The following DNAH7 variants were observed in gnomAD, a reference collection of about 807,000 sequenced individuals.
DNAH7 encodes the protein axonemal beta dynein heavy chain 7.
A neutral mutation model predicts 444.6 loss-of-function variants in DNAH7; 397 were observed. That is an observed-to-expected ratio of 0.89 (90% CI 0.82 to 0.97). The LOEUF is 0.97. Among genes scored for constraint, DNAH7 ranks in the 50% least tolerant of loss-of-function variants. The pLI, the probability that DNAH7 is intolerant of heterozygous loss-of-function variation, is 0.00. For synonymous variants in DNAH7, 1,636 were observed against 1,624.4 expected (o/e 1.01, Z -0.17); for missense variants, 4,902 against 4,800.8 (o/e 1.02, Z -0.62).
chr2:195,767,137 CTAATT>C (rs1379987366), intron 61 of DNAH7, among the ~76,000 whole-genome samples: 5 of 152,014 alleles, frequency 3.3e-5, no homozygotes, highest in African/African-American at 9.7e-5. Flanking sequence ...TCTGTTCACT[CTAATT>C]TAACAGAAAT....
intron 21 of DNAH7, among the ~76,000 whole-genome samples, chr2:195,928,419 C>T (rs1688480021): frequency 6.6e-6 from 1 of 152,078 alleles, no homozygotes; most frequent in Admixed American, 6.6e-5. Flanking sequence ...TTACTCTATA[C>T]TACATAAATT....
intron 58 of DNAH7, 101 bp from the exon 59 acceptor site, chr2:195,778,086 T>A: frequency 8.5e-7 from 1 of 1,170,226 alleles, no homozygotes; most frequent in Non-Finnish European, 1.1e-6. Context: ...TTACAAAAAG[T>A]TCGCATTAAC....
chr2:195,826,636 A>G (rs974840431), intron 48 of DNAH7, among the ~76,000 whole-genome samples: 3 of 152,136 alleles, frequency 2.0e-5, no homozygotes, highest in Non-Finnish European at 4.4e-5. Flanking sequence ...TTGGTTAACT[A>G]TATATTTTTT....
At chr2:195,816,299 G>A (rs1697216364) in intron 51 of DNAH7, among the ~76,000 whole-genome samples, 1 of 152,066 alleles carries the variant, frequency 6.6e-6, no homozygotes, top group South Asian at 2.1e-4. Context: ...GTTCGTACAG[G>A]AGTCATATTT....
intron 27 of DNAH7, 50 bp from the exon 28 acceptor site, chr2:195,900,544 T>G (rs534331272): frequency 6.4e-7 from 1 of 1,551,536 alleles, no homozygotes; most frequent in African/African-American, 1.4e-5. Context: ...TAAAATAAGC[T>G]AGGCATGGAA....
At chr2:195,915,280 G>A (rs1354984789) in intron 24 of DNAH7, among the ~76,000 whole-genome samples, 1 of 152,226 alleles carries the variant, frequency 6.6e-6, no homozygotes, top group Non-Finnish European at 1.5e-5. Context: ...AAAAGGTGAT[G>A]TTCCAAAGGA....
Position 195,858,504 on chromosome 2 carries a change from T to C in DNAH7, c.8037A>G (p.Ala2679=). ...LAGALPILES[A]LAALDTLTAQ... is the part of the protein sequence containing the mutation. ...CAGTAAGAGTATCAAGGGCGGCCAG[T>C]GCTGACTCTAATATTGGCAAGGCAC... is the stretch of plus-strand genomic sequence containing the variant. The change falls in exon 43 of 65, where the codon GCA becomes GCG. Residue 2679 remains alanine, a synonymous_variant. Transcript: ENST00000312428. The C allele has an allele frequency of 2.5e-6, 4 of 1,612,092 alleles. No homozygotes were observed. In the African/African-American group the frequency reaches 5.3e-5, roughly 22 times the overall value.
At chr2:195,987,877 G>T (rs1263396281) in intron 13 of DNAH7, 80 bp downstream of exon 13, 7 of 1,319,242 alleles carry the variant, frequency 5.3e-6, no homozygotes, top group Middle Eastern at 2.7e-4. Flanking sequence ...AATTATCTGT[G>T]TTCTAAAAAT....
rs750865255 is a variant in DNAH7, at chr2:195,864,980, G to C, written c.6675C>G (p.Asp2225Glu). 5 of 1,604,690 alleles carry C rather than the reference G, an allele frequency of 3.1e-6. No individual in the cohort carries two copies. The highest frequency in any genetic ancestry group is 1.3e-5 in the African/African-American group (1 of 74,898). ...GAATGTAGTTGATGAGCCAGCTTCTGTCTGTATTGTCCAGAAGGCGGTCAT... is the reference window on the plus strand; with the variant it reads ...GAATGTAGTTGATGAGCCAGCTTCTCTCTGTATTGTCCAGAAGGCGGTCAT... ...VYYDRLLDNT[D>E]RSWLINYIQE... is the part of the protein sequence containing the mutation. Residue 2225 changes from aspartate (D) to glutamate (E), a missense_variant, in exon 41 of 65, where the codon GAC becomes GAG. By Grantham distance (45) the Asp-to-Glu change is conservative. Coordinates refer to ENST00000312428, the MANE Select transcript of DNAH7 (RefSeq NM_018897.3).
intron 54 of DNAH7, among the ~76,000 whole-genome samples, chr2:195,804,054 G>T (rs557653359): frequency 2.0e-5 from 2 of 99,108 alleles, no homozygotes; most frequent in African/African-American, 3.4e-5. Flanking sequence ...GAGGGGAGAG[G>T]GGGGGAAGGA....
intron 5 of DNAH7, among the ~76,000 whole-genome samples, chr2:196,035,830 T>C (rs1421039926): frequency 6.6e-6 from 1 of 152,152 alleles, no homozygotes; most frequent in Non-Finnish European, 1.5e-5. Flanking sequence ...GAAAAGCCTG[T>C]TGGCTCTCAG....
At chr2:195,790,372 T>C (rs1001052539) in intron 57 of DNAH7, among the ~76,000 whole-genome samples, 3 of 150,244 alleles carry the variant, frequency 2.0e-5, no homozygotes, top group African/African-American at 7.4e-5. Flanking sequence ...GCCAAAGCAA[T>C]CCTAAGCAAA....
At chr2:195,883,553 C>G (rs1400732104) in intron 35 of DNAH7, among the ~76,000 whole-genome samples, 1 of 151,952 alleles carries the variant, frequency 6.6e-6, no homozygotes, top group Non-Finnish European at 1.5e-5. Flanking sequence ...GCCCCATTTC[C>G]TCAATGGCAA....
intron 17 of DNAH7, among the ~76,000 whole-genome samples, chr2:195,968,014 T>G (rs1022521347): frequency 6.6e-6 from 1 of 152,242 alleles, no homozygotes; most frequent in Non-Finnish European, 1.5e-5. Flanking sequence ...TGGGCAGTTC[T>G]GCCAGGCCAC....
intron 58 of DNAH7, among the ~76,000 whole-genome samples, chr2:195,785,419 T>C (rs1340993367): frequency 6.6e-6 from 1 of 152,180 alleles, no homozygotes; most frequent in South Asian, 2.1e-4. Flanking sequence ...CTAGGACTTC[T>C]AGTACAATGT....
rs567626049 is a variant in DNAH7 at position 195,750,240 on chromosome 2, C to T, written c.11764+4097G>A. Among the ~76,000 whole-genome samples, 9 of 152,070 alleles carry T rather than the reference C, an allele frequency of 5.9e-5. No individual in the cohort carries two copies. The East Asian group carries it at 9.7e-4, about 16-fold the overall frequency. The stretch of plus-strand genomic sequence containing the variant: ...TCTGTGGATTAAATTAGTAAATCAA[C>T]GTAAAAATAAATATCAACTACCCTG... On this transcript the variant is annotated intron_variant, in intron 63 of 64. Coordinates refer to ENST00000312428, the MANE Select transcript of DNAH7 (RefSeq NM_018897.3).
At chr2:195,811,150 G>A (rs1696950770) in intron 51 of DNAH7, among the ~76,000 whole-genome samples, 2 of 152,190 alleles carry the variant, frequency 1.3e-5, no homozygotes, top group South Asian at 4.1e-4. Context: ...GTGATACAGT[G>A]ATATAGGATC....
intron 47 of DNAH7, among the ~76,000 whole-genome samples, chr2:195,839,218 AT>A (rs1698544599): frequency 6.6e-6 from 1 of 151,864 alleles, no homozygotes; most frequent in Admixed American, 6.6e-5. Flanking sequence ...TAACAAAAAA[AT>A]ACCCTAAAAG....
intron 15 of DNAH7, among the ~76,000 whole-genome samples, chr2:195,979,037 T>C (rs1416544868): frequency 6.6e-6 from 1 of 152,090 alleles, no homozygotes; most frequent in African/African-American, 2.4e-5. Flanking sequence ...AAGGATTGTA[T>C]GTCATATGTC....
Sources: gnomAD v4.1 joint callset for allele counts (sites outside exome capture counted in the v4.1 genomes callset) on GRCh38, gnomAD v4.1.1 for gene constraint, MANE v1.5 for transcripts, NCBI Gene and HGNC (gene_info 2026-07-23, HGNC 2026-07-21) for gene names.